Variants in NRG1 observed in about 807,000 individuals in gnomAD.
The protein encoded by NRG1 is pro-neuregulin-1, membrane-bound isoform.
NRG1 carries 18 observed loss-of-function variants against 63.8 expected under a neutral mutation model. The ratio of observed to expected loss-of-function variants is 0.28; its 90% confidence interval spans 0.19 to 0.42. The LOEUF is 0.42. Among genes scored for constraint, NRG1 ranks in the 10% least tolerant of loss-of-function variants. The pLI is 1.00. For synonymous variants in NRG1, 302 were observed against 301.3 expected (o/e 1.00, Z -0.02); for missense variants, 762 against 814.7 (o/e 0.94, Z 0.79).
chr8:31,651,658 G>A (rs1804857056), intron 1 of NRG1, among the ~76,000 whole-genome samples: 1 of 152,172 alleles, frequency 6.6e-6, no homozygotes, highest in Non-Finnish European at 1.5e-5. Context: ...TAAGTAAAAT[G>A]AGCAATGCTG....
At chr8:32,378,129 G>A (rs936030734) in intron 1 of NRG1, among the ~76,000 whole-genome samples, 1 of 152,122 alleles carries the variant, frequency 6.6e-6, no homozygotes, top group Non-Finnish European at 1.5e-5. Flanking sequence ...GAGCTGGTTT[G>A]AGAGATATTT....
chr8:32,228,265 C>T (rs1846539965), intron 1 of NRG1, among the ~76,000 whole-genome samples: 1 of 152,146 alleles, frequency 6.6e-6, no homozygotes, highest in Non-Finnish European at 1.5e-5. Context: ...AATTGCTGCT[C>T]TTATTCCAAA....
rs1486383885 is a variant in NRG1 at position 31,783,653 on chromosome 8, C to A, written c.37+144222C>A. Among the ~76,000 whole-genome samples the A allele has an allele frequency of 2.0e-5, 3 of 151,138 alleles. No individual in the cohort carries two copies. The East Asian group carries it at 5.8e-4, about 29-fold the overall frequency. Reference sequence around the variant, plus strand: ...CAACAGCCCATCAAGAGCTGCATAGCTTTTCAGTCAGGAAACTTACCCCCA... The same window carrying A: ...CAACAGCCCATCAAGAGCTGCATAGATTTTCAGTCAGGAAACTTACCCCCA... On this transcript the variant is annotated intron_variant, in intron 1 of 10. Coordinates refer to the NRG1 transcript ENST00000519301.
chr8:32,511,889 C>T (rs991978264), intron 1 of NRG1, among the ~76,000 whole-genome samples: 7 of 152,130 alleles, frequency 4.6e-5, no homozygotes, highest in African/African-American at 9.7e-5. Context: ...CTGTGATGCA[C>T]GGCCACTGGG....
In NRG1 at chr8:32,027,327, A is replaced by G. The variant is rs181099190; in HGVS notation, c.37+387896A>G. Among the ~76,000 whole-genome samples the G allele has an allele frequency of 6.7e-4, 102 of 152,276 alleles. No homozygotes were observed. In the East Asian group the frequency reaches 0.018, roughly 27 times the overall value. On this transcript the variant is annotated intron_variant, in intron 1 of 10. Coordinates refer to the NRG1 transcript ENST00000519301. ...ATATGCTAAAATTTATTTGTTGCTT[A>G]TATGAATTTCAAATTGAGCTGGGTG... is the stretch of plus-strand genomic sequence containing the variant.
intron 1 of NRG1, among the ~76,000 whole-genome samples, chr8:32,283,298 G>T (rs937429734): frequency 1.2e-4 from 18 of 152,058 alleles, no homozygotes; most frequent in Non-Finnish European, 2.5e-4. Flanking sequence ...TAGGAGACAA[G>T]TTTCTCCCAA....
At chr8:32,606,742 A>C (rs1317822653) in intron 3 of NRG1, among the ~76,000 whole-genome samples, 3 of 152,154 alleles carry the variant, frequency 2.0e-5, no homozygotes, top group African/African-American at 7.2e-5. Context: ...GCCTAATTGC[A>C]TCTTCTTGGT....
chr8:32,435,238 A>G (rs563225477), intron 1 of NRG1, among the ~76,000 whole-genome samples: 31 of 152,298 alleles, frequency 2.0e-4, no homozygotes, highest in Non-Finnish European at 3.7e-4. Flanking sequence ...TGGCAACCCC[A>G]GAGTCCCATT....
intron 1 of NRG1, among the ~76,000 whole-genome samples, chr8:32,490,583 T>C (rs897118733): frequency 2.0e-5 from 3 of 152,146 alleles, no homozygotes; most frequent in Admixed American, 2.0e-4. Flanking sequence ...GTATTAAATA[T>C]GGAGCAGAAG....
chr8:32,187,331 A>G (rs1239548549), intron 1 of NRG1, among the ~76,000 whole-genome samples: 2 of 152,130 alleles, frequency 1.3e-5, no homozygotes, highest in African/African-American at 4.8e-5. Context: ...GTCAGCATGC[A>G]TGGTGTGTTA....
At chr8:32,192,301 A>G (rs1381792512) in intron 1 of NRG1, 1 of 152,488 alleles carries the variant, frequency 6.6e-6, no homozygotes, top group African/African-American at 2.4e-5. Context: ...TCACATGCTC[A>G]TCATAGCACT....
chr8:31,880,159 TGA>T (rs1830239656), intron 1 of NRG1, among the ~76,000 whole-genome samples: 1 of 152,188 alleles, frequency 6.6e-6, no homozygotes, highest in Non-Finnish European at 1.5e-5. Flanking sequence ...AACTACCGTT[TGA>T]CCCAGCAATC....
chr8:32,411,963 G>A (rs976957175), intron 1 of NRG1, among the ~76,000 whole-genome samples: 3 of 152,118 alleles, frequency 2.0e-5, no homozygotes, highest in Non-Finnish European at 4.4e-5. Context: ...AAGCCGCAGG[G>A]TCCCAGACAT....
At chr8:31,920,909 T>C (rs578155013) in intron 1 of NRG1, among the ~76,000 whole-genome samples, 2 of 151,464 alleles carry the variant, frequency 1.3e-5, no homozygotes, top group Non-Finnish European at 3.0e-5. Flanking sequence ...GATAGATAGA[T>C]AGATAGATAG....
chr8:32,462,595 C>CTGTTT (rs1822452002), intron 1 of NRG1, among the ~76,000 whole-genome samples: 1 of 72,274 alleles, frequency 1.4e-5, no homozygotes, highest in Non-Finnish European at 2.5e-5. Context: ...CACACTGATT[C>CTGTTT]TTTTTTTTTT....
At chr8:32,222,965 A>G (rs1198896001) in intron 1 of NRG1, among the ~76,000 whole-genome samples, 1 of 152,218 alleles carries the variant, frequency 6.6e-6, no homozygotes, top group African/African-American at 2.4e-5. Flanking sequence ...AAGGTATTCA[A>G]TCAATCAAAG....
chr8:31,858,359 C>T (rs528746597), intron 1 of NRG1, among the ~76,000 whole-genome samples: 217 of 150,600 alleles, frequency 1.4e-3, no homozygotes, highest in Middle Eastern at 0.014. Context: ...TATGATCGTT[C>T]GACATTTGAA....
intron 1 of NRG1, among the ~76,000 whole-genome samples, chr8:32,470,717 T>A (rs1391674657): frequency 6.6e-6 from 1 of 152,158 alleles, no homozygotes; most frequent in East Asian, 1.9e-4. Flanking sequence ...ATGAACCTCA[T>A]TGGATAACTC....
rs1009444077 is a variant in NRG1 at position 31,699,402 on chromosome 8, T to TA, written c.37+59979dup. On this transcript the variant is annotated intron_variant, in intron 1 of 10. Coordinates refer to the NRG1 transcript ENST00000519301. Reference sequence around the variant, plus strand: ...ATGTAATTTTTTAGCCTTTGCATATTAAAAAAAATCAGAATTCTGATAGTA... The same window carrying TA: ...ATGTAATTTTTTAGCCTTTGCATATTAAAAAAAAATCAGAATTCTGATAGTA... 7.2e-5 allele frequency among the ~76,000 whole-genome samples: 11 copies of TA among 152,136 alleles called. No homozygotes were observed. The East Asian group carries it at 1.2e-3, about 16-fold the overall frequency.
Sources: allele counts gnomAD v4.1 joint callset (sites outside exome capture counted in the v4.1 genomes callset), GRCh38; gene constraint gnomAD v4.1.1; transcripts MANE v1.5; gene names NCBI Gene and HGNC (gene_info 2026-07-23, HGNC 2026-07-21).